SLC16A2: variants seen among roughly 807,000 people sequenced by gnomAD.
SLC16A2 encodes monocarboxylate transporter 8.
SLC16A2 carries 3 observed loss-of-function variants against 27.2 expected under a neutral mutation model. That is an observed-to-expected ratio of 0.11 (90% CI 0.05 to 0.28). SLC16A2 has a LOEUF of 0.28. SLC16A2 is among the 10% of genes least tolerant of loss of function. The probability of loss-of-function intolerance (pLI) is 1.00; values close to 1 mark genes in which losing one functional copy is unlikely to be tolerated. For synonymous variants in SLC16A2, 202 were observed against 187.8 expected, an observed-to-expected ratio of 1.08 and a Z score of -0.62; for missense variants, 295 against 458.5, an observed-to-expected ratio of 0.64 and a Z score of 3.26.
At chrX:74,475,155 T>G (rs1171981760) in intron 1 of SLC16A2, among the ~76,000 whole-genome samples, 2 of 107,637 alleles carry the variant, frequency 1.9e-5, no homozygotes, top group Non-Finnish European at 3.9e-5. Context: ...TTTCCTGACT[T>G]TTTAATGATC....
chrX:74,455,563 C>G (rs1929028211), intron 1 of SLC16A2, among the ~76,000 whole-genome samples: 1 of 110,885 alleles, frequency 9.0e-6, no homozygotes, highest in Admixed American at 9.6e-5. Flanking sequence ...AAGTGTCCAT[C>G]CAGCCATTTT....
intron 1 of SLC16A2, among the ~76,000 whole-genome samples, chrX:74,428,236 C>T (rs1928454146): frequency 1.8e-5 from 2 of 111,070 alleles, no homozygotes; most frequent in African/African-American, 3.3e-5. Context: ...AAGCTGGGTG[C>T]TATGGTAGAT....
intron 1 of SLC16A2, among the ~76,000 whole-genome samples, chrX:74,437,862 A>C (rs1271777448): frequency 9.0e-6 from 1 of 111,088 alleles, no homozygotes; most frequent in Non-Finnish European, 1.9e-5. Context: ...CTCATCACAC[A>C]CCTATGGGCT....
intron 1 of SLC16A2, among the ~76,000 whole-genome samples, chrX:74,440,522 CTTT>C (rs34468845): frequency 1.3e-4 from 9 of 70,009 alleles, no homozygotes; most frequent in Non-Finnish European, 1.8e-4. Context: ...ATATAAATTC[CTTT>C]TTTTTTTTTT....
At chrX:74,495,639 G>A (rs1241935336) in intron 1 of SLC16A2, among the ~76,000 whole-genome samples, 1 of 107,829 alleles carries the variant, frequency 9.3e-6, no homozygotes, top group Non-Finnish European at 1.9e-5. Flanking sequence ...ACAATGAAGG[G>A]GCTGGACCAG....
chrX:74,428,506 T>C (rs1252309977), intron 1 of SLC16A2, among the ~76,000 whole-genome samples: 2 of 111,615 alleles, frequency 1.8e-5, no homozygotes, highest in Admixed American at 1.9e-4. Context: ...TGTTCCCTCT[T>C]TTCTTTTTCT....
At chrX:74,466,860 T>C (rs1167951788) in intron 1 of SLC16A2, among the ~76,000 whole-genome samples, 1 of 112,647 alleles carries the variant, frequency 8.9e-6, no homozygotes, top group East Asian at 2.8e-4. Context: ...GTCACAATAC[T>C]CAATATTTAG....
chrX:74,462,420 A>G (rs886195570), intron 1 of SLC16A2, among the ~76,000 whole-genome samples: 2 of 111,577 alleles, frequency 1.8e-5, no homozygotes, highest in African/African-American at 6.5e-5. Flanking sequence ...CCTGGATTCA[A>G]ATGATTCTCC....
intron 1 of SLC16A2, among the ~76,000 whole-genome samples, chrX:74,459,778 G>T (rs1416116030): frequency 9.0e-6 from 1 of 111,369 alleles, no homozygotes; most frequent in Non-Finnish European, 1.9e-5. Context: ...CCAGACTCGG[G>T]TGATTAAGAA....
At chrX:74,496,950 G>C (rs1929947283) in intron 1 of SLC16A2, among the ~76,000 whole-genome samples, 1 of 111,554 alleles carries the variant, frequency 9.0e-6, no homozygotes, top group Non-Finnish European at 1.9e-5. Flanking sequence ...CATTCTTCTG[G>C]ACGTCCAGCT....
chrX:74,470,672 C>T (rs1352809485), intron 1 of SLC16A2, among the ~76,000 whole-genome samples: 4 of 111,754 alleles, frequency 3.6e-5, no homozygotes, highest in East Asian at 2.8e-4. Context: ...TTATGCCAGG[C>T]GCGGTGGCTA....
At chrX:74,436,011 C>A (rs761127459) in intron 1 of SLC16A2, among the ~76,000 whole-genome samples, 20 of 111,340 alleles carry the variant, frequency 1.8e-4, no homozygotes, top group Non-Finnish European at 3.6e-4. Context: ...AACTTCCTGA[C>A]AAGGGGCTGA....
intron 1 of SLC16A2, among the ~76,000 whole-genome samples, chrX:74,487,561 A>G (rs1201676980): frequency 1.8e-5 from 2 of 112,132 alleles, no homozygotes; most frequent in Non-Finnish European, 3.8e-5. Context: ...TCCTGCATTA[A>G]CCCAAACAAG....
chrX:74,490,559 A>G (rs1364035427), intron 1 of SLC16A2, among the ~76,000 whole-genome samples: 1 of 110,558 alleles, frequency 9.0e-6, no homozygotes, highest in African/African-American at 3.3e-5. Flanking sequence ...CAGCTCCTAT[A>G]TGTGTTTCCT....
intron 1 of SLC16A2, among the ~76,000 whole-genome samples, chrX:74,454,895 G>T (rs1430482181): frequency 9.0e-6 from 1 of 111,320 alleles, no homozygotes; most frequent in Non-Finnish European, 1.9e-5. Context: ...AATTTCAACT[G>T]TATTTCTTGT....
intron 1 of SLC16A2, among the ~76,000 whole-genome samples, chrX:74,433,999 G>A (rs944906240): frequency 3.6e-5 from 4 of 112,165 alleles, no homozygotes; most frequent in Non-Finnish European, 7.5e-5. Context: ...AGCCTGGCAC[G>A]TACTAAGTGT....
intron 1 of SLC16A2, among the ~76,000 whole-genome samples, chrX:74,491,901 T>A (rs1929833201): frequency 8.9e-6 from 1 of 112,426 alleles, no homozygotes; most frequent in Non-Finnish European, 1.9e-5. Flanking sequence ...ATTCTGGAAC[T>A]GGAAGCCTCT....
chrX:74,466,939 C>T (rs1247409715), intron 1 of SLC16A2, among the ~76,000 whole-genome samples: 1 of 112,749 alleles, frequency 8.9e-6, no homozygotes, highest in Non-Finnish European at 1.9e-5. Context: ...ATTCTGCCAA[C>T]CCAGATCATT....
At position 74,485,718 on chromosome X, in the gene SLC16A2, G is replaced by A. The variant is rs1929703780; in HGVS notation, c.431-35272G>A. 2.7e-5 allele frequency among the ~76,000 whole-genome samples: 3 copies of A among 111,087 alleles called. No individual in the cohort carries two copies. The Admixed American group carries it at 2.9e-4, about 11-fold the overall frequency. ...ACAGAAGAGAACCGTGGAACCCAGC[G>A]ACTAGTGTTCAGCTTGATTAGGATG... On this transcript the variant is annotated intron_variant, in intron 1 of 5. Coordinates refer to ENST00000587091, the MANE Select transcript of SLC16A2 (RefSeq NM_006517.5).
Sources: gnomAD v4.1 joint callset for allele counts (sites outside exome capture counted in the v4.1 genomes callset) on GRCh38, gnomAD v4.1.1 for gene constraint, MANE v1.5 for transcripts, NCBI Gene and HGNC (gene_info 2026-07-23, HGNC 2026-07-21) for gene names.